Variants in RAB3IP observed in about 807,000 individuals in gnomAD.
RAB3IP encodes the protein rab-3A-interacting protein.
Under a neutral mutation model 59.1 loss-of-function variants are expected in RAB3IP, and 36 were observed. That is an observed-to-expected ratio of 0.61 (90% CI 0.47 to 0.80). The LOEUF is 0.80. RAB3IP is among the 30% of genes least tolerant of loss of function. The probability of loss-of-function intolerance (pLI) is 0.00; values close to 1 mark genes in which losing one functional copy is unlikely to be tolerated. For synonymous variants in RAB3IP, 207 were observed against 191.2 expected, an observed-to-expected ratio of 1.08 and a Z score of -0.68; for missense variants, 511 against 536.0, an observed-to-expected ratio of 0.95 and a Z score of 0.46.
intron 8 of RAB3IP, among the ~76,000 whole-genome samples, chr12:69,804,814 G>C (rs1360864885): frequency 1.3e-5 from 2 of 151,910 alleles, no homozygotes; most frequent in African/African-American, 2.4e-5. Context: ...GTAGATATGC[G>C]GCATTATTTC....
intron 10 of RAB3IP, among the ~76,000 whole-genome samples, chr12:69,814,075 CTG>C (rs1460179481): frequency 6.6e-6 from 1 of 152,058 alleles, no homozygotes; most frequent in Non-Finnish European, 1.5e-5. Flanking sequence ...AGTCTTTAAA[CTG>C]TGTAATACTT....
chr12:69,785,336 G>A (rs767434695), intron 4 of RAB3IP, among the ~76,000 whole-genome samples: 1 of 152,176 alleles, frequency 6.6e-6, no homozygotes, highest in Non-Finnish European at 1.5e-5. Context: ...GTTTTAGTCA[G>A]GGTTCTCCAG....
Position 69,766,091 on chromosome 12 carries a change from TTG to T in RAB3IP, c.510+9432_510+9433del, listed in dbSNP as rs561593854. 4.6e-3 allele frequency among the ~76,000 whole-genome samples: 707 copies of T among 152,352 alleles called. 7 individuals are homozygous for T. Among genetic ancestry groups the T allele is most frequent in the African/African-American group, 0.016 (678 of 41,578 alleles). ...CCTTTAAGTATTTTTGTTTGTTTTG[TTG>T]TGTTTTGCATTGACCTTGGACAGTC... On this transcript the variant is annotated intron_variant, in intron 3 of 10. Transcript: ENST00000247833.
intron 4 of RAB3IP, 75 bp from the exon 5 acceptor site, chr12:69,794,362 T>C (rs17107111): frequency 0.047 from 56,881 of 1,221,036 alleles, 1,568 homozygotes; most frequent in African/African-American, 0.073. Context: ...TTGCTTCAAT[T>C]GTAAACATTT....
intron 6 of RAB3IP, among the ~76,000 whole-genome samples, chr12:69,798,660 C>G (rs1164480750): frequency 6.6e-6 from 1 of 152,120 alleles, no homozygotes; most frequent in Non-Finnish European, 1.5e-5. Flanking sequence ...GGTTTTAGGT[C>G]TAACATTTAA....
intron 4 of RAB3IP, among the ~76,000 whole-genome samples, chr12:69,787,112 A>G (rs11177848): frequency 0.048 from 7,306 of 152,256 alleles, 252 homozygotes; most frequent in South Asian, 0.13. Context: ...ATTAAAGATT[A>G]TTCTGAATAA....
At chr12:69,755,790 C>T (rs866463382) in intron 2 of RAB3IP, 131 bp downstream of exon 2, 17 of 711,400 alleles carry the variant, frequency 2.4e-5, no homozygotes, top group Middle Eastern at 6.6e-4. Flanking sequence ...AAATACATGA[C>T]CTGATAATGT....
chr12:69,796,630 T>C (rs938684703), intron 6 of RAB3IP: 1 of 627,848 alleles, frequency 1.6e-6, no homozygotes, highest in Admixed American at 2.5e-5. Flanking sequence ...GAATTATCAA[T>C]AAAAATGATG....
chr12:69,799,810 G>T (rs1878091836), intron 6 of RAB3IP, among the ~76,000 whole-genome samples: 2 of 152,172 alleles, frequency 1.3e-5, no homozygotes, highest in South Asian at 2.1e-4. Flanking sequence ...GAAAAGACTT[G>T]TCATCATTTA....
rs201860393 is a variant in RAB3IP at position 69,818,053 on chromosome 12, TGAA to T, written c.*2611_*2613del. 19,709 of 65,076 alleles carry T rather than the reference TGAA, an allele frequency of 0.3. 1,842 individuals are homozygous for T. The highest frequency in any genetic ancestry group is 0.52 in the East Asian group (2,080 of 3,978). The allele number at this position is 65,076 out of a possible 1,614,324, so 4.0% of individuals were successfully genotyped here. On this transcript the variant is annotated 3_prime_UTR_variant, in exon 11 of 11. Coordinates refer to ENST00000247833, the MANE Select transcript of RAB3IP (RefSeq NM_022456.5). ...TTCAAATTCATTCGATTGGTGAAAA[TGAA>T]GAAACACAAAGTCAAGTTTTGGAGA...
chr12:69,745,545 A>G, intron 1 of RAB3IP, among the ~76,000 whole-genome samples: 1 of 152,240 alleles, frequency 6.6e-6, no homozygotes, highest in Non-Finnish European at 1.5e-5. Flanking sequence ...ATAGAACACA[A>G]AGCAATAGCA....
chr12:69,807,985 G>A (rs574710044), intron 8 of RAB3IP, among the ~76,000 whole-genome samples: 2 of 152,204 alleles, frequency 1.3e-5, no homozygotes, highest in African/African-American at 4.8e-5. Context: ...GTGATGTTAG[G>A]GTGTCAATTT....
intron 3 of RAB3IP, among the ~76,000 whole-genome samples, chr12:69,767,154 CTA>C (rs1258737663): frequency 6.6e-6 from 1 of 151,974 alleles, no homozygotes; most frequent in Non-Finnish European, 1.5e-5. Flanking sequence ...TTTTTCTTCC[CTA>C]TAATTGTTTT....
intron 3 of RAB3IP, among the ~76,000 whole-genome samples, chr12:69,769,744 G>A (rs1872798699): frequency 6.6e-6 from 1 of 152,114 alleles, no homozygotes; most frequent in Admixed American, 6.5e-5. Context: ...TCTCTTTAAG[G>A]AGTTTACTAG....
rs528862502 is a variant in RAB3IP, at chr12:69,804,210, A to G, written c.1130+2489A>G. ...GCCATTCTAACTGGTGTGAGATGGT[A>G]TCTCATTTTGGTTTTGATTTGCATT... On this transcript the variant is annotated intron_variant, in intron 8 of 10. Transcript: ENST00000247833. Among the ~76,000 whole-genome samples the G allele has an allele frequency of 2.4e-4, 36 of 152,286 alleles. 1 individual carries two copies. In the South Asian group the frequency reaches 6.6e-3, roughly 28 times the overall value.
At chr12:69,792,216 A>T (rs1876741948) in intron 4 of RAB3IP, among the ~76,000 whole-genome samples, 1 of 152,148 alleles carries the variant, frequency 6.6e-6, no homozygotes, top group Non-Finnish European at 1.5e-5. Flanking sequence ...GGATAGATAA[A>T]TTCTGAAGAC....
At chr12:69,813,830 A>AC (rs1880806187) in intron 10 of RAB3IP, among the ~76,000 whole-genome samples, 1 of 152,200 alleles carries the variant, frequency 6.6e-6, no homozygotes, top group Admixed American at 6.5e-5. Context: ...GTAGAAGCCT[A>AC]CCATCTTTCA....
chr12:69,751,784 T>C (rs1869348188), intron 1 of RAB3IP, among the ~76,000 whole-genome samples: 1 of 152,122 alleles, frequency 6.6e-6, no homozygotes, highest in South Asian at 2.1e-4. Context: ...AAGTAGTTCT[T>C]TTCTGTGTGG....
intron 4 of RAB3IP, among the ~76,000 whole-genome samples, chr12:69,791,623 C>A (rs1876632180): frequency 6.6e-6 from 1 of 152,060 alleles, no homozygotes. Context: ...GAGATAGCAC[C>A]CCACACTGGT....
Sources: gnomAD v4.1 joint callset for allele counts (sites outside exome capture counted in the v4.1 genomes callset) on GRCh38, gnomAD v4.1.1 for gene constraint, MANE v1.5 for transcripts, NCBI Gene and HGNC (gene_info 2026-07-23, HGNC 2026-07-21) for gene names.